Variants in COL12A1 observed in about 807,000 individuals in gnomAD.
The protein encoded by COL12A1 is collagen alpha-1(XII) chain.
COL12A1 carries 114 observed loss-of-function variants against 349.7 expected under a neutral mutation model. The ratio of observed to expected loss-of-function variants is 0.33; its 90% CI spans 0.28 to 0.38. The LOEUF (loss-of-function observed/expected upper bound fraction) is 0.38, where lower values mean the gene tolerates loss of function less well. COL12A1 is among the 10% of genes least tolerant of loss of function. The probability of loss-of-function intolerance (pLI) is 1.00; values close to 1 mark genes in which losing one functional copy is unlikely to be tolerated. For synonymous variants in COL12A1, 1,369 were observed against 1,329.0 expected (o/e 1.03, Z -0.66); for missense variants, 3,284 against 3,756.9 (o/e 0.87, Z 3.29).
intron 2 of COL12A1, 49 bp from the exon 3 acceptor site, chr6:75,194,996 G>A (rs892887416): frequency 1.1e-5 from 12 of 1,046,504 alleles, no homozygotes; most frequent in Middle Eastern, 3.0e-4. Flanking sequence ...GTCACAAAAT[G>A]GTCAATTTAA....
chr6:75,108,521 G>C (rs937513357), intron 52 of COL12A1, among the ~76,000 whole-genome samples: 2 of 152,214 alleles, frequency 1.3e-5, no homozygotes, highest in Non-Finnish European at 1.5e-5. Context: ...AAAGTTGTGA[G>C]TAATGGGGTC....
At chr6:75,113,413 A>T in intron 50 of COL12A1, 100 bp from the exon 51 acceptor site, 2 of 998,412 alleles carry the variant, frequency 2.0e-6, no homozygotes, top group Non-Finnish European at 2.8e-6. Context: ...CTTTAAAAAT[A>T]TAATAATTTC....
chr6:75,145,243 T>C, intron 25 of COL12A1, 83 bp downstream of exon 25: 2 of 1,241,350 alleles, frequency 1.6e-6, no homozygotes, highest in Non-Finnish European at 2.1e-6. Flanking sequence ...TATCAAATTA[T>C]TGTTAGCATC....
At position 75,140,941 on chromosome 6, in the gene COL12A1, T is replaced by C. The variant is rs1299022125; in HGVS notation, c.4957+1091A>G. ...AATGTGGCTAGTCTGAATTGAGATGTGCTCTAAGTGTAAAATACACACTGG... is the reference window on the plus strand; with the variant it reads ...AATGTGGCTAGTCTGAATTGAGATGCGCTCTAAGTGTAAAATACACACTGG... On this transcript the variant is annotated intron_variant, in intron 27 of 65. Transcript: ENST00000322507. Among the ~76,000 whole-genome samples, 3 of 152,330 alleles carry C rather than the reference T, an allele frequency of 2.0e-5. No individual in the cohort carries two copies. The East Asian group carries it at 5.8e-4, about 29-fold the overall frequency.
chr6:75,189,134 G>T, intron 7 of COL12A1, 83 bp downstream of exon 7: 3 of 1,410,104 alleles, frequency 2.1e-6, no homozygotes, highest in Non-Finnish European at 2.9e-6. Flanking sequence ...ATCCTTCCTT[G>T]AGGAATCAAT....
At chr6:75,110,207 T>C (rs577269855) in intron 51 of COL12A1, among the ~76,000 whole-genome samples, 2 of 152,016 alleles carry the variant, frequency 1.3e-5, no homozygotes, top group Non-Finnish European at 2.9e-5. Flanking sequence ...GGATATTTTT[T>C]ATCTAATAAG....
At chr6:75,185,513 GAATC>G (rs1468864443) in intron 8 of COL12A1, among the ~76,000 whole-genome samples, 1 of 152,166 alleles carries the variant, frequency 6.6e-6, no homozygotes, top group Admixed American at 6.5e-5. Context: ...TAGATAGAAA[GAATC>G]AATATCATTA....
chr6:75,106,606 T>A, intron 52 of COL12A1, 110 bp from the exon 53 acceptor site: 4 of 859,994 alleles, frequency 4.7e-6, no homozygotes, highest in Non-Finnish European at 5.7e-6. Flanking sequence ...CTCAAGGGTG[T>A]GAGCCATTGA....
intron 20 of COL12A1, among the ~76,000 whole-genome samples, 163 bp downstream of exon 20, chr6:75,151,704 G>T (rs1421308639): frequency 1.3e-5 from 2 of 151,782 alleles, no homozygotes; most frequent in Admixed American, 6.6e-5. Flanking sequence ...CCCAAAAAAA[G>T]AAGAAAAAAG....
chr6:75,180,889 G>A (rs929930490), intron 11 of COL12A1, 50 bp downstream of exon 11: 4 of 1,575,780 alleles, frequency 2.5e-6, no homozygotes, highest in Non-Finnish European at 3.5e-6. Flanking sequence ...ACTTTGTAGT[G>A]CAATAAATTA....
intron 23 of COL12A1, among the ~76,000 whole-genome samples, chr6:75,147,418 T>C (rs1305137722): frequency 6.6e-6 from 1 of 152,174 alleles, no homozygotes; most frequent in Middle Eastern, 3.2e-3. Flanking sequence ...AATAACTCCA[T>C]TAAAGGTTGT....
At chr6:75,169,372 T>C (rs1383263893) in intron 13 of COL12A1, among the ~76,000 whole-genome samples, 1 of 152,180 alleles carries the variant, frequency 6.6e-6, no homozygotes, top group Admixed American at 6.6e-5. Context: ...AAGACCAGTC[T>C]GTAGGCTATC....
At chr6:75,202,257 TG>T (rs996301878) in intron 2 of COL12A1, among the ~76,000 whole-genome samples, 1 of 152,194 alleles carries the variant, frequency 6.6e-6, no homozygotes, top group African/African-American at 2.4e-5. Context: ...CCAGCGCTGT[TG>T]GAGTCTTTTA....
At position 75,157,589 on chromosome 6, in the gene COL12A1, T is replaced by C. The variant is rs142630076; in HGVS notation, c.2984-1066A>G. Among the ~76,000 whole-genome samples, 830 of 152,130 alleles carry C rather than the reference T, an allele frequency of 5.5e-3. 8 individuals are homozygous for C. The highest frequency in any genetic ancestry group is 0.019 in the African/African-American group (780 of 41,506). On this transcript the variant is annotated intron_variant, in intron 14 of 65. Transcript: ENST00000322507. ...ATTGCTTGGAATTTCCAGTCCCCAG[T>C]AAAAGAAAGGGGAATCCAGATGGAG...
intron 8 of COL12A1, among the ~76,000 whole-genome samples, chr6:75,186,356 C>A: frequency 6.6e-6 from 1 of 152,076 alleles, no homozygotes; most frequent in Non-Finnish European, 1.5e-5. Flanking sequence ...GGTCAACAAT[C>A]ATACAAAAAA....
chr6:75,114,572 A>G (rs1768985430), intron 49 of COL12A1, among the ~76,000 whole-genome samples: 1 of 152,060 alleles, frequency 6.6e-6, no homozygotes, highest in Admixed American at 6.6e-5. Flanking sequence ...AAAAAGAACC[A>G]GATAATAAGC....
chr6:75,128,486 A>G (rs1766128761), intron 37 of COL12A1, 61 bp from the exon 38 acceptor site: 2 of 1,405,512 alleles, frequency 1.4e-6, no homozygotes, highest in South Asian at 1.7e-5. Flanking sequence ...ATCAAAAGAC[A>G]GTATTGTTTT....
rs201998466 is a variant in COL12A1 at position 75,188,348 on chromosome 6, C to T, written c.997+14G>A. On this transcript the variant is annotated intron_variant, in intron 8 of 65. Transcript: ENST00000322507. ...AAAGACTAACACATGGGGAATGCTA[C>T]ACAGTCTACTCACCTTCTTCTCCAC... 1,424 of 1,608,918 alleles carry T rather than the reference C, an allele frequency of 8.9e-4. 1 individual carries two copies. Among genetic ancestry groups the T allele is most frequent in the Non-Finnish European group, 9.9e-4 (1,172 of 1,177,982 alleles).
At chr6:75,131,109 T>G in intron 35 of COL12A1, 128 bp from the exon 36 acceptor site, 1 of 1,244,040 alleles carries the variant, frequency 8.0e-7, no homozygotes, top group Non-Finnish European at 1.1e-6. Flanking sequence ...CAACTGTGCT[T>G]CTCCATAAGA....
Sources: allele counts gnomAD v4.1 joint callset (sites outside exome capture counted in the v4.1 genomes callset), GRCh38; gene constraint gnomAD v4.1.1; transcripts MANE v1.5; gene names NCBI Gene and HGNC (gene_info 2026-07-23, HGNC 2026-07-21).